Variants in HS3ST4 observed in about 807,000 individuals in gnomAD.
HS3ST4 encodes heparan sulfate-glucosamine 3-sulfotransferase 4.
In HS3ST4, 17 loss-of-function variants were observed where a neutral mutation model predicts 29.2. That is an observed-to-expected ratio of 0.58 (90% CI 0.40 to 0.87). HS3ST4 has a LOEUF of 0.87. HS3ST4 is among the 40% of genes least tolerant of loss of function. The probability of loss-of-function intolerance (pLI) is 0.00; values close to 1 mark genes in which losing one functional copy is unlikely to be tolerated. For synonymous variants in HS3ST4, 314 were observed against 285.7 expected (o/e 1.10, Z -1.00); for missense variants, 627 against 634.5 (o/e 0.99, Z 0.13).
intron 1 of HS3ST4, among the ~76,000 whole-genome samples, chr16:26,060,193 C>A (rs1274594581): frequency 6.6e-6 from 1 of 152,156 alleles, no homozygotes; most frequent in Non-Finnish European, 1.5e-5. Flanking sequence ...CGAAGAAAGA[C>A]TGGATGACTG....
intron 1 of HS3ST4, among the ~76,000 whole-genome samples, chr16:26,131,113 A>T (rs1899412646): frequency 6.6e-6 from 1 of 152,100 alleles, no homozygotes; most frequent in Non-Finnish European, 1.5e-5. Context: ...TTCTGGCCTT[A>T]TTTTAAAATC....
chr16:25,705,777 T>C (rs1008969834), intron 1 of HS3ST4, among the ~76,000 whole-genome samples: 2 of 152,232 alleles, frequency 1.3e-5, no homozygotes, highest in Non-Finnish European at 2.9e-5. Flanking sequence ...TTGTTTTGTG[T>C]GCATAGATTG....
chr16:25,797,768 CAGTT>C (rs1487633594), intron 1 of HS3ST4, among the ~76,000 whole-genome samples: 1 of 152,184 alleles, frequency 6.6e-6, no homozygotes, highest in Non-Finnish European at 1.5e-5. Flanking sequence ...CAATGGATAA[CAGTT>C]AGAATCCTGG....
intron 1 of HS3ST4, among the ~76,000 whole-genome samples, chr16:25,966,425 A>G (rs901165308): frequency 1.3e-5 from 2 of 152,192 alleles, no homozygotes; most frequent in African/African-American, 2.4e-5. Flanking sequence ...CATGCCAAGC[A>G]TCAAGCCTGC....
chr16:25,876,131 C>T lies in HS3ST4; in HGVS notation c.734+182980C>T, dbSNP rs548238484. On this transcript the variant is annotated intron_variant, in intron 1 of 1. Coordinates refer to ENST00000331351, the MANE Select transcript of HS3ST4 (RefSeq NM_006040.3). The stretch of plus-strand genomic sequence containing the variant: ...CCAGTCTCTTCATTCATTTCCCACT[C>T]ATCAACTGCACTCAATTCTTGAGCA... Among the ~76,000 whole-genome samples, 69 of 152,282 alleles carry T rather than the reference C, an allele frequency of 4.5e-4. 1 individual carries two copies. Among genetic ancestry groups the T allele is most frequent in the Middle Eastern group, 6.8e-3 (2 of 294 alleles).
intron 1 of HS3ST4, among the ~76,000 whole-genome samples, chr16:25,940,828 T>C (rs1968565074): frequency 6.6e-6 from 1 of 152,202 alleles, no homozygotes; most frequent in Admixed American, 6.5e-5. Context: ...GCCCAAGTGA[T>C]GTGTTTTCTG....
chr16:26,056,040 C>CAGAGAG (rs55688033), intron 1 of HS3ST4, among the ~76,000 whole-genome samples: 9 of 147,838 alleles, frequency 6.1e-5, no homozygotes, highest in South Asian at 4.4e-4. Flanking sequence ...AAGAGAGAGA[C>CAGAGAG]AGAGAGAGAG....
intron 1 of HS3ST4, among the ~76,000 whole-genome samples, chr16:25,699,366 A>T (rs1053413997): frequency 7.2e-5 from 11 of 152,256 alleles, no homozygotes; most frequent in African/African-American, 2.7e-4. Flanking sequence ...ATTGAGGCAG[A>T]AAAAAGAAAA....
At chr16:26,042,909 ATTTTACAC>A (rs1969648143) in intron 1 of HS3ST4, among the ~76,000 whole-genome samples, 5 of 152,156 alleles carry the variant, frequency 3.3e-5, no homozygotes, top group Admixed American at 6.5e-5. Flanking sequence ...TGGCAGTATC[ATTTTACAC>A]TATAAATCCC....
In HS3ST4 at chr16:25,739,075, C is replaced by T. The variant is rs148949808; in HGVS notation, c.734+45924C>T. On this transcript the variant is annotated intron_variant, in intron 1 of 1. Coordinates refer to ENST00000331351, the MANE Select transcript of HS3ST4 (RefSeq NM_006040.3). ...TACTTGTTGAGGTTGGGCGCAGTGG[C>T]TCATGCGTGTAATCCCAGCACTTTG... Among the ~76,000 whole-genome samples, 231 of 152,284 alleles carry T rather than the reference C, an allele frequency of 1.5e-3. 2 individuals are homozygous for T. The highest frequency in any genetic ancestry group is 2.7e-3 in the Admixed American group (41 of 15,282).
At chr16:26,025,593 T>C (rs893073335) in intron 1 of HS3ST4, among the ~76,000 whole-genome samples, 1 of 152,150 alleles carries the variant, frequency 6.6e-6, no homozygotes, top group African/African-American at 2.4e-5. Flanking sequence ...TGGTTCTTTA[T>C]TAGAGGGTAC....
At chr16:25,726,977 C>T (rs961050312) in intron 1 of HS3ST4, among the ~76,000 whole-genome samples, 3 of 151,420 alleles carry the variant, frequency 2.0e-5, no homozygotes, top group African/African-American at 4.9e-5. Flanking sequence ...GGTGTGGATT[C>T]GGCAACCCCA....
chr16:25,896,507 G>A (rs1968067140), intron 1 of HS3ST4, among the ~76,000 whole-genome samples: 1 of 152,194 alleles, frequency 6.6e-6, no homozygotes, highest in African/African-American at 2.4e-5. Context: ...AACAGATGTT[G>A]GCAGGGCTGT....
intron 1 of HS3ST4, among the ~76,000 whole-genome samples, chr16:25,740,634 C>T (rs1966645537): frequency 6.6e-6 from 1 of 152,138 alleles, no homozygotes; most frequent in African/African-American, 2.4e-5. Flanking sequence ...ATAAAAGGAT[C>T]ATTAAAAGAA....
chr16:26,072,074 T>C (rs554481154), intron 1 of HS3ST4, among the ~76,000 whole-genome samples: 1 of 152,202 alleles, frequency 6.6e-6, no homozygotes, highest in South Asian at 2.1e-4. Flanking sequence ...AAGGGGAGAA[T>C]AGTTTGAGAA....
At chr16:26,087,994 A>G (rs1898809961) in intron 1 of HS3ST4, among the ~76,000 whole-genome samples, 1 of 152,172 alleles carries the variant, frequency 6.6e-6, no homozygotes. Flanking sequence ...CACATCCCCA[A>G]TTGCTTAAAA....
intron 1 of HS3ST4, among the ~76,000 whole-genome samples, chr16:26,053,984 T>C (rs1898376347): frequency 6.6e-6 from 1 of 152,140 alleles, no homozygotes; most frequent in African/African-American, 2.4e-5. Context: ...CACAGATTTC[T>C]ACCACCACAA....
At chr16:26,110,394 A>T (rs1336747075) in intron 1 of HS3ST4, among the ~76,000 whole-genome samples, 1 of 152,156 alleles carries the variant, frequency 6.6e-6, no homozygotes, top group Non-Finnish European at 1.5e-5. Flanking sequence ...TCTCAAACAT[A>T]CCATGTGTGA....
Position 26,092,110 on chromosome 16 carries a change from C to A in HS3ST4, c.735-43502C>A, listed in dbSNP as rs184977090. 2.4e-4 allele frequency among the ~76,000 whole-genome samples: 37 copies of A among 152,214 alleles called. 1 individual carries two copies. The East Asian group carries it at 5.4e-3, about 22-fold the overall frequency. Reference sequence around the variant, plus strand: ...GCAACCTGGATCCTCTCAAAGGGGACAGAATGGGGTGCTCACAGGACATAA... The same window carrying A: ...GCAACCTGGATCCTCTCAAAGGGGAAAGAATGGGGTGCTCACAGGACATAA... On this transcript the variant is annotated intron_variant, in intron 1 of 1. Coordinates refer to ENST00000331351, the MANE Select transcript of HS3ST4 (RefSeq NM_006040.3).
Sources: gnomAD v4.1 joint callset for allele counts (sites outside exome capture counted in the v4.1 genomes callset) on GRCh38, gnomAD v4.1.1 for gene constraint, MANE v1.5 for transcripts, NCBI Gene and HGNC (gene_info 2026-07-23, HGNC 2026-07-21) for gene names.